Variants in ARHGEF10 observed in about 807,000 individuals in gnomAD.
The protein encoded by ARHGEF10 is Rho guanine nucleotide exchange factor (GEF) 10.
In ARHGEF10, 140 loss-of-function variants were observed where a neutral mutation model predicts 147.4. That is an observed-to-expected ratio of 0.95 (90% CI 0.83 to 1.09). The LOEUF (loss-of-function observed/expected upper bound fraction) is 1.09, where lower values mean the gene tolerates loss of function less well. Ranked by LOEUF, ARHGEF10 falls within the 50% of genes least tolerant of loss-of-function variation. ARHGEF10 has a pLI of 0.00. For missense variants in ARHGEF10, 2,222 were observed against 1,752.7 expected (o/e 1.27, Z -4.78); for synonymous variants, 902 against 695.8 (o/e 1.30, Z -4.67).
intron 25 of ARHGEF10, among the ~76,000 whole-genome samples, chr8:1,931,578 C>T (rs1036625502): frequency 6.6e-6 from 1 of 152,174 alleles, no homozygotes; most frequent in African/African-American, 2.4e-5. Context: ...GCAGCCTGCG[C>T]AGAAGCGCAT....
At chr8:1,946,000 C>T in intron 27 of ARHGEF10, 1 of 444,998 alleles carries the variant, frequency 2.2e-6, no homozygotes, top group Non-Finnish European at 4.2e-6. Flanking sequence ...GAAGCCAGGA[C>T]CTGAGGCTGA....
Position 1,933,649 on chromosome 8 carries a change from C to T in ARHGEF10, c.3080-151C>T, listed in dbSNP as rs544429980. On this transcript the variant is annotated intron_variant, in intron 25 of 28. Transcript: ENST00000349830. Reference sequence around the variant, plus strand: ...CCAACTGGGGTGGGTGTCAGCTTGTCGATCCCCAGACACAGCCAGGATCAG... The same window carrying T: ...CCAACTGGGGTGGGTGTCAGCTTGTTGATCCCCAGACACAGCCAGGATCAG... 226 of 1,035,012 alleles carry T rather than the reference C, an allele frequency of 2.2e-4. 4 individuals are homozygous for T. In the South Asian group the frequency reaches 3.1e-3, roughly 14 times the overall value. The allele number at this position is 1,035,012 out of a possible 1,614,324, so 64.1% of individuals were successfully genotyped here.
At chr8:1,950,554 C>T (rs1034840362) in intron 27 of ARHGEF10, among the ~76,000 whole-genome samples, 20 of 150,948 alleles carry the variant, frequency 1.3e-4, no homozygotes, top group Middle Eastern at 3.4e-3. Flanking sequence ...TTATTTGAAA[C>T]GGAGTTTCAC....
chr8:1,857,640 A>G (rs1377635484), intron 2 of ARHGEF10, among the ~76,000 whole-genome samples: 4 of 151,798 alleles, frequency 2.6e-5, no homozygotes, highest in African/African-American at 7.3e-5. Context: ...GGCTGGTCTC[A>G]AGCTTCTTAC....
intron 14 of ARHGEF10, 95 bp from the exon 15 acceptor site, chr8:1,898,338 C>A: frequency 9.2e-7 from 1 of 1,084,824 alleles, no homozygotes; most frequent in Non-Finnish European, 1.4e-6. Context: ...TTTTGACTTT[C>A]CCGAGTGTTC....
In ARHGEF10 at chr8:1,945,469, T is replaced by C. The variant is rs1256413172; in HGVS notation, c.3223-12T>C. 2.5e-6 allele frequency: 4 copies of C among 1,579,808 alleles called. No individual in the cohort carries two copies. The highest frequency in any genetic ancestry group is 2.3e-5 in the South Asian group (2 of 87,064). On this transcript the variant is annotated splice_polypyrimidine_tract_variant and intron_variant, in intron 26 of 28. Coordinates refer to ENST00000349830, the MANE Select transcript of ARHGEF10 (RefSeq NM_014629.4). ...CCACGGGGCTAGCAGACTTGACCTC[T>C]CGATTTCACAGGGTCAGCTGGAGGC...
intron 8 of ARHGEF10, among the ~76,000 whole-genome samples, chr8:1,879,599 C>CTGGA (rs1409852114): frequency 6.6e-6 from 1 of 151,270 alleles, no homozygotes; most frequent in Non-Finnish European, 1.5e-5. Context: ...GTCTGCCAGG[C>CTGGA]TGGAGGGCAG....
In ARHGEF10 at chr8:1,923,670, G is replaced by A. The variant is rs1585555892; in HGVS notation, c.2387+75G>A. On this transcript the variant is annotated intron_variant, in intron 20 of 28. Transcript: ENST00000349830. ...AATGGTTCTTTGTCATGACATGTAT[G>A]TTTTTTGGTTTGCTGATTCTATCAG... 8 of 1,613,886 alleles carry A rather than the reference G, an allele frequency of 5.0e-6. No individual in the cohort carries two copies. In the East Asian group the frequency reaches 1.8e-4, roughly 36 times the overall value.
At chr8:1,895,807 G>A (rs1809923993) in intron 13 of ARHGEF10, among the ~76,000 whole-genome samples, 1 of 152,196 alleles carries the variant, frequency 6.6e-6, no homozygotes, top group African/African-American at 2.4e-5. Flanking sequence ...AAGGGCAAAT[G>A]TTTCTGCCTC....
At chr8:1,826,396 GTGTT>G (rs1290482626) in intron 1 of ARHGEF10, among the ~76,000 whole-genome samples, 1 of 135,306 alleles carries the variant, frequency 7.4e-6, no homozygotes, top group Non-Finnish European at 1.6e-5. Flanking sequence ...GTGTGTGCGT[GTGTT>G]TGTGTGTGTG....
At position 1,896,459 on chromosome 8, in the gene ARHGEF10, T is replaced by A. The variant is rs1338039636; in HGVS notation, c.1557+10T>A. On this transcript the variant is annotated intron_variant, in intron 14 of 28. Coordinates refer to ENST00000349830, the MANE Select transcript of ARHGEF10 (RefSeq NM_014629.4). Reference sequence around the variant, plus strand: ...TCTTGAATTTTTAAAGGTAAGCGCTTTTTTTTTTCATTTGGGTTTTAACAC... The same window carrying A: ...TCTTGAATTTTTAAAGGTAAGCGCTATTTTTTTTCATTTGGGTTTTAACAC... The A allele has an allele frequency of 1.4e-5, 22 of 1,587,790 alleles. No individual in the cohort carries two copies. The East Asian group carries it at 4.7e-4, about 34-fold the overall frequency.
chr8:1,905,655 A>T lies in ARHGEF10; in HGVS notation c.1906A>T (p.Thr636Ser), dbSNP rs202029161. ...VYNDRGEIVK[T>S]KERRVFMLND... ...CAACGACAGAGGAGAGATTGTTAAA[A>T]CCAAAGAACGCCGAGTCTTCATGTT... The change falls in exon 17 of 29, where the codon ACC becomes TCC. Residue 636 changes from threonine (T) to serine (S), a missense_variant. By Grantham distance (58) the Thr-to-Ser change is moderately conservative. Coordinates refer to ENST00000349830, the MANE Select transcript of ARHGEF10 (RefSeq NM_014629.4). The T allele has an allele frequency of 3.3e-5, 53 of 1,614,094 alleles. No homozygotes were observed. The highest frequency in any genetic ancestry group is 1.8e-4 in the Admixed American group (11 of 60,006).
At chr8:1,869,722 A>C (rs537533275) in intron 7 of ARHGEF10, 44 of 244,756 alleles carry the variant, frequency 1.8e-4, no homozygotes, top group Admixed American at 3.5e-4. Context: ...GGCCGATGCA[A>C]TGGAGGCCGC....
intron 10 of ARHGEF10, among the ~76,000 whole-genome samples, chr8:1,884,843 C>G (rs749127060): frequency 6.6e-6 from 1 of 152,202 alleles, no homozygotes; most frequent in Non-Finnish European, 1.5e-5. Flanking sequence ...CAGCTCACTG[C>G]AGCCTCCACC....
At chr8:1,828,179 G>A (rs1802880367) in intron 1 of ARHGEF10, among the ~76,000 whole-genome samples, 1 of 152,268 alleles carries the variant, frequency 6.6e-6, no homozygotes, top group Non-Finnish European at 1.5e-5. Flanking sequence ...GCTCCTGCAA[G>A]TCGTAGGTGT....
chr8:1,850,325 GGCAA>G (rs1805018126), intron 2 of ARHGEF10, among the ~76,000 whole-genome samples: 1 of 137,890 alleles, frequency 7.3e-6, no homozygotes, highest in Non-Finnish European at 1.5e-5. Context: ...GAGGGCGTGG[GGCAA>G]CCGTGTGGAC....
At chr8:1,907,584 G>C (rs1360813131) in intron 17 of ARHGEF10, among the ~76,000 whole-genome samples, 1 of 152,150 alleles carries the variant, frequency 6.6e-6, no homozygotes, top group African/African-American at 2.4e-5. Flanking sequence ...TTGACTCTTG[G>C]GCAGTTTTAA....
intron 4 of ARHGEF10, among the ~76,000 whole-genome samples, chr8:1,862,904 A>G (rs1251539051): frequency 6.7e-6 from 1 of 148,784 alleles, no homozygotes; most frequent in African/African-American, 2.5e-5. Flanking sequence ...TCAGCCTCCC[A>G]AGTAGCTGGG....
chr8:1,920,031 T>TATGGGTGGTGGGGCTGTTCC (rs1812139956), intron 18 of ARHGEF10, among the ~76,000 whole-genome samples: 1 of 105,050 alleles, frequency 9.5e-6, no homozygotes, highest in Non-Finnish European at 2.0e-5. Flanking sequence ...GGAGCTGTTC[T>TATGGGTGGTGGGGCTGTTCC]ATGGGTGATG....
Sources: allele counts gnomAD v4.1 joint callset (sites outside exome capture counted in the v4.1 genomes callset), GRCh38; gene constraint gnomAD v4.1.1; transcripts MANE v1.5; gene names NCBI Gene and HGNC (gene_info 2026-07-23, HGNC 2026-07-21).